Variants in SLIT3 observed in about 807,000 individuals in gnomAD.
The protein encoded by SLIT3 is slit homolog 3 protein.
A neutral mutation model predicts 184.0 loss-of-function variants in SLIT3; 68 were observed. The ratio of observed to expected loss-of-function variants is 0.37; its 90% CI spans 0.30 to 0.45. The LOEUF (loss-of-function observed/expected upper bound fraction) is 0.45, where lower values mean the gene tolerates loss of function less well. SLIT3 is among the 20% of genes least tolerant of loss of function. The probability of loss-of-function intolerance (pLI) is 1.00; values close to 1 mark genes in which losing one functional copy is unlikely to be tolerated. For missense variants in SLIT3, 1,707 were observed against 2,026.0 expected, an observed-to-expected ratio of 0.84 and a Z score of 3.02; for synonymous variants, 831 against 828.6, an observed-to-expected ratio of 1.00 and a Z score of -0.05.
chr5:169,025,769 A>G (rs961134366), intron 4 of SLIT3, among the ~76,000 whole-genome samples: 1 of 152,192 alleles, frequency 6.6e-6, no homozygotes, highest in African/African-American at 2.4e-5. Flanking sequence ...CACCATGGTG[A>G]TAGTTCATCA....
chr5:169,159,230 C>T (rs746042841), intron 4 of SLIT3, among the ~76,000 whole-genome samples: 1 of 151,576 alleles, frequency 6.6e-6, no homozygotes, highest in East Asian at 1.9e-4. Context: ...ACTAATAATA[C>T]AAAAATTAGC....
At chr5:168,864,382 A>G (rs1759225631) in intron 5 of SLIT3, among the ~76,000 whole-genome samples, 1 of 152,220 alleles carries the variant, frequency 6.6e-6, no homozygotes, top group Non-Finnish European at 1.5e-5. Context: ...TGAACATACC[A>G]TGATTCATTT....
chr5:169,177,205 G>T (rs73315689), intron 4 of SLIT3, among the ~76,000 whole-genome samples: 1,608 of 152,268 alleles, frequency 0.011, 36 homozygotes, highest in African/African-American at 0.036. Context: ...TATCACTGCA[G>T]CAATCAGACG....
At chr5:168,692,569 C>T in intron 29 of SLIT3, 38 bp downstream of exon 29, 1 of 1,455,724 alleles carries the variant, frequency 6.9e-7, no homozygotes, top group South Asian at 1.2e-5. Flanking sequence ...GCAGAGTTTT[C>T]ATGGACTCTG....
At chr5:168,842,979 A>G (rs1407381011) in intron 6 of SLIT3, among the ~76,000 whole-genome samples, 1 of 152,172 alleles carries the variant, frequency 6.6e-6, no homozygotes, top group Non-Finnish European at 1.5e-5. Flanking sequence ...CAGCCTCCTG[A>G]TAAGAGGAGT....
chr5:168,671,318 G>A lies in SLIT3; in HGVS notation c.4007C>T (p.Thr1336Ile), dbSNP rs767727806. 1 of 1,614,008 alleles carries A rather than the reference G, an allele frequency of 6.2e-7. No homozygotes were observed. Among genetic ancestry groups the A allele is most frequent in the Non-Finnish European group, 8.5e-7 (1 of 1,179,990 alleles). ...LGVSPGCKSC[T>I]VCKHGLCRSV... is the part of the protein sequence containing the mutation. ...GCGGCACAGGCCGTGCTTGCACACG[G>A]TGCAGGACTTGCAGCCTGGTGACAC... The change falls in exon 34 of 36, where the codon ACC (threonine) becomes ATC (isoleucine). Residue 1336 changes from threonine to isoleucine, a missense_variant. Coordinates refer to ENST00000519560, the MANE Select transcript of SLIT3 (RefSeq NM_003062.4).
intron 4 of SLIT3, among the ~76,000 whole-genome samples, chr5:168,905,040 G>A (rs1760999580): frequency 6.6e-6 from 1 of 152,126 alleles, no homozygotes; most frequent in Non-Finnish European, 1.5e-5. Flanking sequence ...AGCTGGGCGT[G>A]GCAGCGTGCA....
At position 169,116,950 on chromosome 5, in the gene SLIT3, A is replaced by G. The variant is rs138365902; in HGVS notation, c.413+76529T>C. 8.0e-3 allele frequency among the ~76,000 whole-genome samples: 1,221 copies of G among 152,296 alleles called. 18 individuals are homozygous for G. Among genetic ancestry groups the G allele is most frequent in the African/African-American group, 0.027 (1,114 of 41,560 alleles). On this transcript the variant is annotated intron_variant, in intron 4 of 35. Coordinates refer to ENST00000519560, the MANE Select transcript of SLIT3 (RefSeq NM_003062.4). ...AGTCCACAGAGCCTTTCAGATTTAC[A>G]TAACCCTTCAGGGAGGGTTTACTGT... is the stretch of plus-strand genomic sequence containing the variant.
At chr5:169,258,637 GC>G (rs1766060949) in intron 1 of SLIT3, among the ~76,000 whole-genome samples, 1 of 152,198 alleles carries the variant, frequency 6.6e-6, no homozygotes, top group African/African-American at 2.4e-5. Context: ...GCGACTTGGA[GC>G]TTTGTGGTAT....
chr5:168,909,430 G>A (rs1238322356), intron 4 of SLIT3, among the ~76,000 whole-genome samples: 3 of 152,166 alleles, frequency 2.0e-5, no homozygotes, highest in Non-Finnish European at 4.4e-5. Context: ...AGTGGCAGCC[G>A]CCCTCTGTAG....
At chr5:169,092,776 T>C (rs961502311) in intron 4 of SLIT3, among the ~76,000 whole-genome samples, 2 of 152,212 alleles carry the variant, frequency 1.3e-5, no homozygotes, top group African/African-American at 4.8e-5. Flanking sequence ...GTGGTCTTGG[T>C]GTACCCACTT....
chr5:168,678,391 C>T (rs1225425917), intron 32 of SLIT3, among the ~76,000 whole-genome samples: 1 of 152,138 alleles, frequency 6.6e-6, no homozygotes, highest in Non-Finnish European at 1.5e-5. Flanking sequence ...AATCCTAGCA[C>T]TTTGGGATTA....
chr5:168,762,477 G>A (rs550060203), intron 15 of SLIT3, 62 bp downstream of exon 15: 9 of 1,570,024 alleles, frequency 5.7e-6, no homozygotes, highest in Middle Eastern at 1.7e-4. Flanking sequence ...CCCTGCCCAC[G>A]CTGGCTCCGG....
intron 20 of SLIT3, among the ~76,000 whole-genome samples, chr5:168,731,743 A>G (rs1490223368): frequency 6.6e-6 from 1 of 152,144 alleles, no homozygotes; most frequent in Non-Finnish European, 1.5e-5. Flanking sequence ...GCATTTGAGA[A>G]AATTCAGCAT....
chr5:169,157,036 G>C (rs1016385334), intron 4 of SLIT3, among the ~76,000 whole-genome samples: 13 of 151,526 alleles, frequency 8.6e-5, no homozygotes, highest in South Asian at 4.2e-4. Flanking sequence ...AAAAAATCTG[G>C]CCCCCCCCAC....
intron 1 of SLIT3, among the ~76,000 whole-genome samples, chr5:169,288,101 TA>T (rs1169990267): frequency 6.6e-6 from 1 of 152,154 alleles, no homozygotes; most frequent in Non-Finnish European, 1.5e-5. Flanking sequence ...AACAATGTCC[TA>T]GGGGTCCCTT....
At chr5:169,049,228 A>AAAT (rs750611574) in intron 4 of SLIT3, among the ~76,000 whole-genome samples, 1 of 152,180 alleles carries the variant, frequency 6.6e-6, no homozygotes, top group Non-Finnish European at 1.5e-5. Context: ...ACAAGAAACA[A>AAAT]AATAATAATT....
chr5:168,791,550 A>T (rs1319954198), intron 10 of SLIT3: 3 of 152,254 alleles, frequency 2.0e-5, no homozygotes, highest in African/African-American at 4.8e-5. Context: ...AGTCAGTTAC[A>T]GATCAAACTC....
intron 3 of SLIT3, among the ~76,000 whole-genome samples, chr5:169,243,289 C>T (rs756429399): frequency 9.9e-5 from 15 of 152,148 alleles, no homozygotes; most frequent in Non-Finnish European, 1.6e-4. Flanking sequence ...ACCACGTATT[C>T]ATTTTTCTGT....
Sources: allele counts gnomAD v4.1 joint callset (sites outside exome capture counted in the v4.1 genomes callset), GRCh38; gene constraint gnomAD v4.1.1; transcripts MANE v1.5; gene names NCBI Gene and HGNC (gene_info 2026-07-23, HGNC 2026-07-21).